Variants in HMMR observed in about 807,000 individuals in gnomAD.
The protein encoded by HMMR is hyaluronan mediated motility receptor, also known as intracellular hyaluronic acid-binding protein.
Under a neutral mutation model 101.0 loss-of-function variants are expected in HMMR, and 108 were observed. The observed-to-expected ratio is 1.07, with a 90% CI of 0.92 to 1.25. HMMR has a LOEUF of 1.25. Among genes scored for constraint, HMMR ranks in the 50% most tolerant of loss-of-function variants. The pLI, the probability that HMMR is intolerant of heterozygous loss-of-function variation, is 0.00. For synonymous variants in HMMR, 296 were observed against 276.4 expected (o/e 1.07, Z -0.70); for missense variants, 813 against 788.7 (o/e 1.03, Z -0.37).
At chr5:163,467,797 G>A in intron 4 of HMMR, 49 bp downstream of exon 4, 1 of 1,134,780 alleles carries the variant, frequency 8.8e-7, no homozygotes, top group Non-Finnish European at 1.3e-6. Context: ...TAGAAAGAGA[G>A]TTACACAGAT....
chr5:163,476,323 A>T (rs565278931), intron 11 of HMMR, among the ~76,000 whole-genome samples: 1 of 152,294 alleles, frequency 6.6e-6, no homozygotes, highest in East Asian at 1.9e-4. Context: ...TCTCAAAAAC[A>T]AACAAAACAC....
chr5:163,480,050 A>G (rs1347450783), intron 12 of HMMR, among the ~76,000 whole-genome samples: 1 of 152,224 alleles, frequency 6.6e-6, no homozygotes, highest in East Asian at 1.9e-4. Context: ...TAACATGTAC[A>G]TAAACTGTAG....
At chr5:163,480,307 A>G (rs778103006) in intron 12 of HMMR, among the ~76,000 whole-genome samples, 2 of 152,168 alleles carry the variant, frequency 1.3e-5, no homozygotes, top group African/African-American at 2.4e-5. Flanking sequence ...AACTTTACCA[A>G]AAAATGTCAT....
At position 163,471,135 on chromosome 5, in the gene HMMR, T is replaced by C. The variant is rs772306070; in HGVS notation, c.463-50T>C. ...AATCAATATTTGTGTATTTTAAATA[T>C]GTCTTAGCAGAAAATATTTCTGAAT... On this transcript the variant is annotated intron_variant, in intron 5 of 17. Transcript: ENST00000393915. The C allele has an allele frequency of 7.9e-6, 9 of 1,145,152 alleles. No individual in the cohort carries two copies. In the East Asian group the frequency reaches 1.9e-4, roughly 25 times the overall value. 70.9% of individuals were successfully genotyped at this position (1,145,152 alleles called of 1,614,324 possible).
At chr5:163,468,731 T>G (rs899872011) in intron 4 of HMMR, among the ~76,000 whole-genome samples, 1 of 152,152 alleles carries the variant, frequency 6.6e-6, no homozygotes, top group African/African-American at 2.4e-5. Context: ...AAGTGAGTGG[T>G]AGAGCCAGGA....
chr5:163,468,990 C>T (rs939003166), intron 4 of HMMR, among the ~76,000 whole-genome samples: 1 of 151,772 alleles, frequency 6.6e-6, no homozygotes, highest in Non-Finnish European at 1.5e-5. Context: ...AAATAAAAAA[C>T]ATTTAGCATT....
At chr5:163,464,653 A>G (rs940156977) in intron 2 of HMMR, 70 bp from the exon 3 acceptor site, 13 of 1,066,468 alleles carry the variant, frequency 1.2e-5, no homozygotes, top group African/African-American at 1.6e-5. Context: ...AAAAATTTGG[A>G]AATTGTGTTT....
At chr5:163,464,972 T>C (rs920197991) in intron 3 of HMMR, 170 bp downstream of exon 3, 1 of 582,954 alleles carries the variant, frequency 1.7e-6, no homozygotes, top group East Asian at 2.9e-5. Flanking sequence ...CATTTCTGCC[T>C]AGGTCATTAT....
intron 10 of HMMR, chr5:163,474,721 C>T: frequency 2.6e-6 from 1 of 389,208 alleles, no homozygotes; most frequent in Non-Finnish European, 5.0e-6. Context: ...TTTTCACTTA[C>T]AAAATTGGCA....
rs1356222397 is a variant in HMMR at position 163,484,244 on chromosome 5, C to T, written c.1961C>T (p.Ser654Leu). 5.1e-6 allele frequency: 8 copies of T among 1,564,022 alleles called. No homozygotes were observed. Among genetic ancestry groups the T allele is most frequent in the African/African-American group, 1.4e-5 (1 of 72,828 alleles). The change falls in exon 16 of 18, where the codon TCG (serine) becomes TTG (leucine). Residue 654 changes from serine (S) to leucine (L), a missense_variant and splice_region_variant. Transcript: ENST00000393915. ...AAAGATGAAAATAGCCAACTCAAAT[C>T]GGTTTGTAAAATGACTTTTCATTTT... is the stretch of plus-strand genomic sequence containing the variant. ...KLKDENSQLKSEVSKLRCQLA... is the reference protein window; with the variant it reads ...KLKDENSQLKLEVSKLRCQLA...
intron 7 of HMMR, 133 bp downstream of exon 7, chr5:163,471,596 A>G: frequency 1.6e-6 from 1 of 609,186 alleles, no homozygotes; most frequent in East Asian, 2.8e-5. Flanking sequence ...CAGTTGCCCT[A>G]TTTCTCTTTT....
chr5:163,490,058 A>G (rs1277206407), intron 16 of HMMR, among the ~76,000 whole-genome samples: 4 of 152,170 alleles, frequency 2.6e-5, no homozygotes, highest in Non-Finnish European at 5.9e-5. Context: ...ATATTTTATA[A>G]CTTTTAGTTT....
Position 163,483,330 on chromosome 5 carries a change from T to A in HMMR, c.1748T>A (p.Leu583His). Residue 583 changes from leucine (L) to histidine (H), a missense_variant, in exon 15 of 18, where the codon CTC becomes CAC. By Grantham distance (99) the Leu-to-His change is moderately conservative (BLOSUM62 -3). Coordinates refer to ENST00000393915, the MANE Select transcript of HMMR (RefSeq NM_001142556.2). The part of the protein sequence containing the change: ...LTEEINKWRL[L>H]YEELYNKTKP... The stretch of plus-strand genomic sequence containing the variant: ...GAAGAAATTAACAAGTGGCGTCTCC[T>A]CTATGAAGAACTATATAATAAAACA... 6.2e-7 allele frequency: 1 copy of A among 1,607,070 alleles called. No individual in the cohort carries two copies. The highest frequency in any genetic ancestry group is 8.5e-7 in the Non-Finnish European group (1 of 1,174,094).
At chr5:163,472,035 TTTA>T (rs1311461143) in intron 7 of HMMR, among the ~76,000 whole-genome samples, 2 of 148,454 alleles carry the variant, frequency 1.3e-5, no homozygotes, top group Non-Finnish European at 1.5e-5. Flanking sequence ...CCTTTTTTTA[TTTA>T]TTATTATTAT....
At chr5:163,475,394 G>A (rs964440155) in intron 10 of HMMR, 64 bp from the exon 11 acceptor site, 8 of 815,960 alleles carry the variant, frequency 9.8e-6, no homozygotes, top group African/African-American at 3.5e-5. Flanking sequence ...ACTTTTTTTT[G>A]TCTCCTAGTA....
intron 3 of HMMR, among the ~76,000 whole-genome samples, chr5:163,467,395 G>A (rs903722723): frequency 2.6e-5 from 4 of 152,154 alleles, no homozygotes; most frequent in African/African-American, 9.7e-5. Flanking sequence ...AAGATGTGTT[G>A]CTATTTAACA....
chr5:163,464,164 T>G (rs1223282866), intron 2 of HMMR, among the ~76,000 whole-genome samples: 4 of 152,206 alleles, frequency 2.6e-5, no homozygotes, highest in African/African-American at 9.7e-5. Flanking sequence ...AGCAAGATAC[T>G]TATATTGATA....
In HMMR at chr5:163,488,776, A is replaced by G. The variant is rs1208788431; in HGVS notation, c.1963-1614A>G. 1.3e-4 allele frequency among the ~76,000 whole-genome samples: 20 copies of G among 152,178 alleles called. 1 individual carries two copies. The highest frequency in any genetic ancestry group is 1.9e-4 in the East Asian group (1 of 5,192). ...ATAAATTGCTCTATAAACTAATCCA[A>G]TCAAATTCTGGCTCCTTTGTAGGGA... On this transcript the variant is annotated intron_variant, in intron 16 of 17. Coordinates refer to ENST00000393915, the MANE Select transcript of HMMR (RefSeq NM_001142556.2).
chr5:163,486,446 A>G (rs1392211966), intron 16 of HMMR, among the ~76,000 whole-genome samples: 1 of 152,164 alleles, frequency 6.6e-6, no homozygotes, highest in African/African-American at 2.4e-5. Flanking sequence ...GTGTATAGAA[A>G]TACAATTGAT....
Sources: allele counts gnomAD v4.1 joint callset (sites outside exome capture counted in the v4.1 genomes callset), GRCh38; gene constraint gnomAD v4.1.1; transcripts MANE v1.5; gene names NCBI Gene and HGNC (gene_info 2026-07-23, HGNC 2026-07-21).